The following CCSER1 variants were observed in gnomAD, a reference collection of about 807,000 sequenced individuals.
The protein encoded by CCSER1 is serine-rich coiled-coil domain-containing protein 1.
In CCSER1, 41 loss-of-function variants were observed where a neutral mutation model predicts 82.0. The ratio of observed to expected loss-of-function variants is 0.50; its 90% CI spans 0.39 to 0.65. The LOEUF (loss-of-function observed/expected upper bound fraction) is 0.65. Ranked by LOEUF, CCSER1 falls within the 30% of genes least tolerant of loss-of-function variation. CCSER1 has a pLI of 0.00. For synonymous variants in CCSER1, 414 were observed against 383.9 expected (o/e 1.08, Z -0.92); for missense variants, 1,119 against 1,064.2 (o/e 1.05, Z -0.72).
intron 9 of CCSER1, among the ~76,000 whole-genome samples, chr4:90,984,401 C>A (rs1373163034): frequency 6.6e-6 from 1 of 151,764 alleles, no homozygotes; most frequent in East Asian, 1.9e-4. Context: ...GGATCTGTCT[C>A]TTGGCTGTAC....
At chr4:91,492,121 G>A (rs1218295411) in intron 10 of CCSER1, among the ~76,000 whole-genome samples, 2 of 151,834 alleles carry the variant, frequency 1.3e-5, no homozygotes, top group African/African-American at 4.8e-5. Context: ...CTCTCTGTCA[G>A]CCTGCTCTTG....
chr4:90,561,108 C>T (rs1005850012), intron 5 of CCSER1, among the ~76,000 whole-genome samples: 3 of 152,162 alleles, frequency 2.0e-5, no homozygotes, highest in South Asian at 2.1e-4. Context: ...CTGCCATGGA[C>T]GTTCATAAGA....
At chr4:91,231,705 C>T (rs751687748) in intron 10 of CCSER1, among the ~76,000 whole-genome samples, 34 of 151,732 alleles carry the variant, frequency 2.2e-4, no homozygotes, top group East Asian at 7.7e-4. Context: ...TATAAAGTTA[C>T]GTATATTTAT....
Position 90,850,625 on chromosome 4 carries a change from T to A in CCSER1, c.2094+34780T>A, listed in dbSNP as rs112513109. Among the ~76,000 whole-genome samples the A allele has an allele frequency of 7.2e-3, 1,099 of 152,354 alleles. 11 individuals carry two copies. Among genetic ancestry groups the A allele is most frequent in the African/African-American group, 0.024 (999 of 41,584 alleles). On this transcript the variant is annotated intron_variant, in intron 8 of 10. Transcript: ENST00000509176. ...CATGGGGCCTATAGCCCCTTTGTTT[T>A]GGCCAATTTCTCTCATTTGGAATGG...
At chr4:91,096,393 TC>T (rs1458920069) in intron 10 of CCSER1, among the ~76,000 whole-genome samples, 1 of 152,158 alleles carries the variant, frequency 6.6e-6, no homozygotes, top group Non-Finnish European at 1.5e-5. Flanking sequence ...GGGGCTGGCT[TC>T]CCTCGGCAGG....
chr4:90,656,114 A>G (rs1006854619), intron 6 of CCSER1, among the ~76,000 whole-genome samples: 1 of 151,968 alleles, frequency 6.6e-6, no homozygotes, highest in East Asian at 1.9e-4. Flanking sequence ...ACAGGTTGAC[A>G]TTAAAAATCT....
intron 5 of CCSER1, among the ~76,000 whole-genome samples, chr4:90,503,419 T>C (rs1770207807): frequency 6.6e-6 from 1 of 152,234 alleles, no homozygotes. Flanking sequence ...ATTTTTTCTT[T>C]TTTTAATTAT....
At chr4:91,084,656 A>G (rs1365366301) in intron 9 of CCSER1, among the ~76,000 whole-genome samples, 4 of 152,192 alleles carry the variant, frequency 2.6e-5, no homozygotes, top group Admixed American at 6.6e-5. Flanking sequence ...TCTTTGTCAC[A>G]TATAATTTAG....
At chr4:90,176,324 T>C (rs1166484056) in intron 1 of CCSER1, among the ~76,000 whole-genome samples, 1 of 151,978 alleles carries the variant, frequency 6.6e-6, no homozygotes, top group Admixed American at 6.6e-5. Context: ...GGCTAATTTG[T>C]AGAAGAGCTT....
intron 8 of CCSER1, among the ~76,000 whole-genome samples, chr4:90,839,571 C>T (rs1054890465): frequency 6.6e-6 from 1 of 152,134 alleles, no homozygotes; most frequent in Admixed American, 6.5e-5. Context: ...GAAAGCAGGT[C>T]CTAAGCCCTG....
chr4:90,449,661 G>C (rs1761162589), intron 4 of CCSER1, among the ~76,000 whole-genome samples: 1 of 152,226 alleles, frequency 6.6e-6, no homozygotes, highest in Non-Finnish European at 1.5e-5. Flanking sequence ...GCACCACCCT[G>C]AGTGTGTGCA....
At chr4:91,087,914 A>G (rs1239344262) in intron 10 of CCSER1, among the ~76,000 whole-genome samples, 1 of 151,702 alleles carries the variant, frequency 6.6e-6, no homozygotes, top group African/African-American at 2.4e-5. Flanking sequence ...AGGGAGGTAT[A>G]AGACAATTAG....
chr4:91,173,118 CT>C (rs1369822751), intron 10 of CCSER1, among the ~76,000 whole-genome samples: 8 of 152,274 alleles, frequency 5.3e-5, no homozygotes, highest in African/African-American at 1.9e-4. Flanking sequence ...TCAACATATA[CT>C]TATTGACTTT....
chr4:91,268,535 G>A (rs924848848), intron 10 of CCSER1, among the ~76,000 whole-genome samples: 2 of 152,094 alleles, frequency 1.3e-5, no homozygotes, highest in African/African-American at 4.8e-5. Flanking sequence ...TCAAAACATG[G>A]CTGAAGAATT....
intron 10 of CCSER1, among the ~76,000 whole-genome samples, chr4:91,137,833 C>T (rs1262547622): frequency 2.0e-5 from 3 of 150,018 alleles, no homozygotes; most frequent in Non-Finnish European, 4.4e-5. Flanking sequence ...ATCCCATTCA[C>T]AATTGCTTCA....
chr4:91,465,006 G>A (rs748360690), intron 10 of CCSER1, among the ~76,000 whole-genome samples: 2 of 152,006 alleles, frequency 1.3e-5, no homozygotes, highest in African/African-American at 4.8e-5. Context: ...CAAGTGGACC[G>A]AATAGACATC....
chr4:91,376,607 C>A (rs1272277173), intron 10 of CCSER1, among the ~76,000 whole-genome samples: 1 of 151,792 alleles, frequency 6.6e-6, no homozygotes, highest in African/African-American at 2.4e-5. Flanking sequence ...AATTAAGCAA[C>A]CAGAGTTATG....
At chr4:90,489,660 T>G (rs982719039) in intron 5 of CCSER1, among the ~76,000 whole-genome samples, 5 of 152,136 alleles carry the variant, frequency 3.3e-5, no homozygotes, top group African/African-American at 1.2e-4. Context: ...CCTAACGATA[T>G]CCATCCTCCC....
intron 5 of CCSER1, among the ~76,000 whole-genome samples, chr4:90,585,274 G>A (rs1474878627): frequency 6.6e-6 from 1 of 152,132 alleles, no homozygotes; most frequent in Non-Finnish European, 1.5e-5. Flanking sequence ...TGGCGAAAAC[G>A]TAAAATGGTA....
Sources: allele counts gnomAD v4.1 joint callset (sites outside exome capture counted in the v4.1 genomes callset), GRCh38; gene constraint gnomAD v4.1.1; transcripts MANE v1.5; gene names NCBI Gene and HGNC (gene_info 2026-07-23, HGNC 2026-07-21).